FAM81A: variants seen among roughly 807,000 people sequenced by gnomAD.
FAM81A encodes the protein protein FAM81A.
FAM81A carries 19 observed loss-of-function variants against 46.7 expected under a neutral mutation model. That is an observed-to-expected ratio of 0.41 (90% confidence interval 0.28 to 0.60). The LOEUF is 0.60. Among genes scored for constraint, FAM81A ranks in the 20% least tolerant of loss-of-function variants. The probability of loss-of-function intolerance (pLI) is 0.34; values close to 1 mark genes in which losing one functional copy is unlikely to be tolerated. For synonymous variants in FAM81A, 183 were observed against 152.9 expected (o/e 1.20, Z -1.45); for missense variants, 377 against 453.5 (o/e 0.83, Z 1.53).
At chr15:59,513,033 A>G (rs1175502018) in intron 6 of FAM81A, among the ~76,000 whole-genome samples, 3 of 152,184 alleles carry the variant, frequency 2.0e-5, no homozygotes. Flanking sequence ...CTCTACTACA[A>G]TGGGTGTTCA....
chr15:59,449,411 G>T (rs1360857758), intron 1 of FAM81A, among the ~76,000 whole-genome samples: 1 of 152,108 alleles, frequency 6.6e-6, no homozygotes, highest in Non-Finnish European at 1.5e-5. Context: ...ACCCTGATTT[G>T]GTATTTGTCA....
chr15:59,457,251 A>G (rs761281500), intron 1 of FAM81A, among the ~76,000 whole-genome samples: 5 of 152,200 alleles, frequency 3.3e-5, no homozygotes, highest in Non-Finnish European at 2.9e-5. Context: ...ATCTTGTGCG[A>G]TCCTGCTCCC....
intron 2 of FAM81A, among the ~76,000 whole-genome samples, chr15:59,417,574 G>A (rs1207970480): frequency 6.6e-6 from 1 of 151,288 alleles, no homozygotes; most frequent in Non-Finnish European, 1.5e-5. Context: ...AATTAGCCAG[G>A]CATAATGGTG....
intron 2 of FAM81A, among the ~76,000 whole-genome samples, chr15:59,425,829 T>A (rs1306750521): frequency 6.6e-6 from 1 of 152,190 alleles, no homozygotes; most frequent in African/African-American, 2.4e-5. Flanking sequence ...CTCACTATGC[T>A]GCCCAGGCTT....
intron 2 of FAM81A, among the ~76,000 whole-genome samples, chr15:59,402,719 G>A (rs1466143718): frequency 1.3e-5 from 2 of 149,090 alleles, no homozygotes; most frequent in Non-Finnish European, 3.0e-5. Context: ...TTTTTGGGGG[G>A]TGGGGGGGAT....
chr15:59,467,631 A>G (rs1367803511), intron 3 of FAM81A, among the ~76,000 whole-genome samples: 2 of 152,186 alleles, frequency 1.3e-5, no homozygotes, highest in Non-Finnish European at 2.9e-5. Flanking sequence ...GGTTTTCTAA[A>G]TATACAATCA....
chr15:59,427,171 C>G (rs1384322247), intron 2 of FAM81A, among the ~76,000 whole-genome samples: 1 of 152,088 alleles, frequency 6.6e-6, no homozygotes, highest in Non-Finnish European at 1.5e-5. Flanking sequence ...AGTGCAGTGG[C>G]CTGATCTCGG....
At chr15:59,450,908 C>A (rs985373677) in intron 1 of FAM81A, among the ~76,000 whole-genome samples, 1 of 152,224 alleles carries the variant, frequency 6.6e-6, no homozygotes, top group African/African-American at 2.4e-5. Context: ...ACGTGACTGT[C>A]AGTTGGCTGG....
At chr15:59,441,067 C>T (rs1596472512) in intron 1 of FAM81A, among the ~76,000 whole-genome samples, 1 of 152,186 alleles carries the variant, frequency 6.6e-6, no homozygotes, top group African/African-American at 2.4e-5. Context: ...TTCTTTATTT[C>T]GTCTTTCTCA....
Position 59,408,700 on chromosome 15 carries a change from G to T in FAM81A, c.-78+6342G>T, listed in dbSNP as rs139641598. On this transcript the variant is annotated intron_variant, in intron 2 of 4. Coordinates refer to the FAM81A transcript ENST00000558348. ...AAAAATGAGCTGGGCATGGTGGTGCGCACCTGTAATCCCAGCTACTCCGGA... is the reference window on the plus strand; with the variant it reads ...AAAAATGAGCTGGGCATGGTGGTGCTCACCTGTAATCCCAGCTACTCCGGA... Among the ~76,000 whole-genome samples, 1,066 of 152,138 alleles carry T rather than the reference G, an allele frequency of 7.0e-3. 14 individuals are homozygous for T. Among genetic ancestry groups the T allele is most frequent in the African/African-American group, 0.024 (1,010 of 41,502 alleles).
Position 59,460,696 on chromosome 15 carries a change from G to A in FAM81A, c.294+490G>A, listed in dbSNP as rs1292389596. The A allele has an allele frequency of 5.0e-6, 1 of 200,780 alleles. No homozygotes were observed. Among genetic ancestry groups the A allele is most frequent in the Non-Finnish European group, 1.0e-5 (1 of 97,960 alleles). The allele number at this position is 200,780 out of a possible 1,614,324, so 12.4% of individuals were successfully genotyped here. ...CCTTTTTACTGCTGTAGTTTTCTTTGAAATGAGACCAATAAAAGGCCAATA... is the reference window on the plus strand; with the variant it reads ...CCTTTTTACTGCTGTAGTTTTCTTTAAAATGAGACCAATAAAAGGCCAATA... On this transcript the variant is annotated intron_variant, in intron 3 of 8. Transcript: ENST00000288228. This position sits in a 1 kb window ranked among gnomAD's most constrained non-coding sequence, Gnocchi z 4.4.
chr15:59,488,798 G>A (rs1391654998), intron 3 of FAM81A, among the ~76,000 whole-genome samples: 1 of 151,364 alleles, frequency 6.6e-6, no homozygotes, highest in Non-Finnish European at 1.5e-5. Flanking sequence ...GTAACATGGC[G>A]AAACCCTGTC....
intron 1 of FAM81A, chr15:59,445,502 T>C (rs1052973291): frequency 3.3e-5 from 5 of 152,146 alleles, no homozygotes; most frequent in Non-Finnish European, 7.4e-5. Flanking sequence ...CCTAAAATAG[T>C]TATAAAATTA....
intron 4 of FAM81A, 84 bp downstream of exon 4, chr15:59,492,473 C>A: frequency 3.6e-6 from 4 of 1,096,726 alleles, no homozygotes; most frequent in Non-Finnish European, 5.3e-6. Context: ...ATTAATGAAG[C>A]CCCAAAGCAA....
At chr15:59,481,921 T>G (rs1001549495) in intron 3 of FAM81A, among the ~76,000 whole-genome samples, 51 of 151,906 alleles carry the variant, frequency 3.4e-4, no homozygotes, top group Non-Finnish European at 6.5e-4. Context: ...TTAAAATATT[T>G]GCTTCTTTAA....
chr15:59,474,830 C>T (rs2081745191), intron 3 of FAM81A, among the ~76,000 whole-genome samples: 1 of 151,722 alleles, frequency 6.6e-6, no homozygotes, highest in Admixed American at 6.6e-5. Context: ...ACCCATGTGG[C>T]AAAACTCCAA....
upstream of FAM81A, among the ~76,000 whole-genome samples, chr15:59,437,927 G>A (rs916365711): frequency 1.3e-5 from 2 of 152,202 alleles, no homozygotes; most frequent in Admixed American, 6.5e-5. Context: ...GTGGGAAACA[G>A]CAGCGACGAG....
rs1387578663 is a variant in FAM81A at position 59,460,354 on chromosome 15, G to C, written c.294+148G>C. 6 of 1,042,808 alleles carry C rather than the reference G, an allele frequency of 5.8e-6. No individual in the cohort carries two copies. Among genetic ancestry groups the C allele is most frequent in the African/African-American group, 1.6e-5 (1 of 64,128 alleles). The allele number at this position is 1,042,808 out of a possible 1,614,324, so 64.6% of individuals were successfully genotyped here. A position where few individuals can be genotyped will look rare whatever the true frequency, so the allele number is the denominator to read the frequency against. ...CTTGTCTATTCTTAATGATCGCCAA[G>C]GAGACAGCTTGCAGAAATATCCTAA... On this transcript the variant is annotated intron_variant, in intron 3 of 8. Transcript: ENST00000288228. This position sits in a 1 kb window ranked among gnomAD's most constrained non-coding sequence, Gnocchi z 4.4.
Position 59,459,990 on chromosome 15 carries a change from T to C in FAM81A, c.78T>C (p.Ser26=). The change falls in exon 3 of 9, where the codon TCT becomes TCC. Residue 26 remains serine (S), a synonymous_variant. Coordinates refer to ENST00000288228, the MANE Select transcript of FAM81A (RefSeq NM_152450.3). ...SQSLTMAPYS[S]VSLVEQLEDR... ...CCCTGACCATGGCACCATACTCATC[T>C]GTAAGCCTCGTGGAGCAGCTGGAAG... 6.2e-7 allele frequency: 1 copy of C among 1,612,900 alleles called. No homozygotes were observed. The highest frequency in any genetic ancestry group is 1.1e-5 in the South Asian group (1 of 90,870).
Sources: allele counts gnomAD v4.1 joint callset (sites outside exome capture counted in the v4.1 genomes callset), GRCh38; gene constraint gnomAD v4.1.1; non-coding constraint Gnocchi (gnomAD v3.1); transcripts MANE v1.5; gene names NCBI Gene and HGNC (gene_info 2026-07-23, HGNC 2026-07-21).